The following GNG4 variants were observed in gnomAD, a reference collection of about 807,000 sequenced individuals.
The protein encoded by GNG4 is guanine nucleotide-binding protein G(I)/G(S)/G(O) subunit gamma-4.
GNG4 carries 4 observed loss-of-function variants against 5.8 expected under a neutral mutation model. That is an observed-to-expected ratio of 0.69 (90% confidence interval 0.34 to 1.57). The LOEUF is 1.57. GNG4 is among the 40% of genes most tolerant of loss of function. The pLI, the probability that GNG4 is intolerant of heterozygous loss-of-function variation, is 0.06. For missense variants in GNG4, 96 were observed against 95.1 expected, an observed-to-expected ratio of 1.01 and a Z score of -0.04; for synonymous variants, 29 against 32.9, an observed-to-expected ratio of 0.88 and a Z score of 0.41.
chr1:235,601,165 G>T (rs1196924880), intron 1 of GNG4, among the ~76,000 whole-genome samples: 3 of 152,216 alleles, frequency 2.0e-5, no homozygotes, highest in Non-Finnish European at 4.4e-5. Flanking sequence ...TACAGGGAAG[G>T]TGTCTAAAAC....
chr1:235,627,233 G>GT (rs1464714981), intron 1 of GNG4, among the ~76,000 whole-genome samples: 2 of 151,640 alleles, frequency 1.3e-5, no homozygotes, highest in Non-Finnish European at 2.9e-5. Flanking sequence ...GTTTGTTTTT[G>GT]TTTTTTTGAG....
chr1:235,604,834 C>G (rs1471931101), intron 1 of GNG4, among the ~76,000 whole-genome samples: 2 of 152,332 alleles, frequency 1.3e-5, no homozygotes, highest in East Asian at 3.9e-4. Context: ...CAAGTCTGTG[C>G]TCACTACTAC....
At chr1:235,597,679 G>A (rs1243369767) in intron 1 of GNG4, among the ~76,000 whole-genome samples, 1 of 146,572 alleles carries the variant, frequency 6.8e-6, no homozygotes, top group Admixed American at 6.9e-5. Context: ...AGGCTGGAGT[G>A]CAATGGTGCG....
rs112177153 is a variant in GNG4 at position 235,594,714 on chromosome 1, C to G, written c.-11+686G>C. Among the ~76,000 whole-genome samples the G allele has an allele frequency of 1.9e-3, 282 of 152,334 alleles. 1 individual carries two copies. Among genetic ancestry groups the G allele is most frequent in the African/African-American group, 6.2e-3 (258 of 41,592 alleles). ...TAAACCCACGCCCACCCAGAACTCA[C>G]GCTGGTCCGCAAGCACCGTGCGCAG... On this transcript the variant is annotated intron_variant, in intron 2 of 3. Transcript: ENST00000391854.
In GNG4 at chr1:235,580,753, T is replaced by G. The variant is rs566175819; in HGVS notation, c.99+2987A>C. On this transcript the variant is annotated intron_variant, in intron 3 of 3. Coordinates refer to ENST00000391854, the MANE Select transcript of GNG4 (RefSeq NM_001098722.2). ...CGGCCTATCCCGTTTTTTGTTTTTT[T>G]TTTTTTTTTTTTCCTGAGATGGGGT... Among the ~76,000 whole-genome samples the G allele has an allele frequency of 8.3e-4, 122 of 147,240 alleles. 1 individual carries two copies. The Middle Eastern group carries it at 0.017, about 21-fold the overall frequency.
At chr1:235,590,689 T>C (rs1278374061) in intron 2 of GNG4, among the ~76,000 whole-genome samples, 3 of 152,278 alleles carry the variant, frequency 2.0e-5, no homozygotes, top group Non-Finnish European at 2.9e-5. Flanking sequence ...TGTTTGTGTT[T>C]TCTCTCTCCA....
intron 1 of GNG4, among the ~76,000 whole-genome samples, chr1:235,627,143 T>C (rs1051420664): frequency 6.6e-6 from 1 of 152,078 alleles, no homozygotes; most frequent in Non-Finnish European, 1.5e-5. Flanking sequence ...AAAGCTGTCT[T>C]ATCTCTCCTA....
intron 1 of GNG4, among the ~76,000 whole-genome samples, chr1:235,606,596 C>G (rs1027969473): frequency 6.6e-6 from 1 of 152,054 alleles, no homozygotes; most frequent in Non-Finnish European, 1.5e-5. Context: ...AGGAAAAGAG[C>G]AAGTGGAATG....
intron 1 of GNG4, among the ~76,000 whole-genome samples, chr1:235,640,556 C>T (rs1657294853): frequency 6.6e-6 from 1 of 152,242 alleles, no homozygotes. Flanking sequence ...AAAGGATACA[C>T]ACATCATTCA....
At position 235,649,506 on chromosome 1, in the gene GNG4, C is replaced by A. The variant is rs1258936319; in HGVS notation, c.-123+156G>T. On this transcript the variant is annotated intron_variant, in intron 1 of 3. Transcript: ENST00000391854. This position sits in a 1 kb window ranked among gnomAD's most constrained non-coding sequence, Gnocchi z 5.7. ...GAGGGAACCACAGGTCTTTGTGTCG[C>A]GTGCAGCAGCAGCTGGCGGCGTGAG... 2.0e-5 allele frequency among the ~76,000 whole-genome samples: 3 copies of A among 152,130 alleles called. No homozygotes were observed. The highest frequency in any genetic ancestry group is 7.2e-5 in the African/African-American group (3 of 41,514).
intron 3 of GNG4, among the ~76,000 whole-genome samples, chr1:235,562,410 G>C (rs1218397738): frequency 4.6e-5 from 7 of 152,094 alleles, no homozygotes; most frequent in Non-Finnish European, 8.8e-5. Flanking sequence ...ACTTTGGGAG[G>C]TCGAGGCAGG....
At chr1:235,592,767 T>C (rs568844946) in intron 2 of GNG4, among the ~76,000 whole-genome samples, 1 of 152,220 alleles carries the variant, frequency 6.6e-6, no homozygotes, top group South Asian at 2.1e-4. Flanking sequence ...TCCTGAAATG[T>C]ACCTCCGACT....
intron 1 of GNG4, chr1:235,615,373 A>T (rs1258925541): frequency 2.0e-5 from 3 of 153,244 alleles, no homozygotes; most frequent in South Asian, 4.0e-4. Flanking sequence ...CATGCTGTTC[A>T]ATGCTGGGAT....
chr1:235,639,787 G>A (rs567827724), intron 1 of GNG4, among the ~76,000 whole-genome samples: 12 of 152,328 alleles, frequency 7.9e-5, no homozygotes, highest in East Asian at 1.9e-4. Flanking sequence ...GATATCAGGC[G>A]TGAGCCACCG....
intron 1 of GNG4, among the ~76,000 whole-genome samples, chr1:235,599,914 C>T (rs545664912): frequency 6.6e-6 from 1 of 152,212 alleles, no homozygotes; most frequent in South Asian, 2.1e-4. Context: ...GTCCTCCTGG[C>T]ATTTGCATAG....
At chr1:235,584,482 TAC>T (rs1308062699) in intron 2 of GNG4, among the ~76,000 whole-genome samples, 1 of 152,080 alleles carries the variant, frequency 6.6e-6, no homozygotes, top group African/African-American at 2.4e-5. Flanking sequence ...CCAAAAAGTT[TAC>T]AGACTTTGTG....
At chr1:235,621,986 T>C (rs995889899) in intron 1 of GNG4, among the ~76,000 whole-genome samples, 5 of 152,194 alleles carry the variant, frequency 3.3e-5, no homozygotes, top group African/African-American at 9.7e-5. Context: ...CTCCAGCACA[T>C]TGTTTTAAAA....
intron 1 of GNG4, chr1:235,615,902 C>A: frequency 3.5e-6 from 1 of 281,950 alleles, no homozygotes; most frequent in Non-Finnish European, 6.9e-6. Context: ...CCCCAGAGTG[C>A]CTGCTGGAGC....
chr1:235,587,351 CA>C (rs1269867366), intron 2 of GNG4, among the ~76,000 whole-genome samples: 5 of 26,278 alleles, frequency 1.9e-4, no homozygotes, highest in African/African-American at 4.2e-4. Flanking sequence ...GTATGAGGGT[CA>C]GGGGTGGGGT....
Sources: gnomAD v4.1 joint callset for allele counts (sites outside exome capture counted in the v4.1 genomes callset) on GRCh38, gnomAD v4.1.1 for gene constraint, Gnocchi (gnomAD v3.1) non-coding constraint, MANE v1.5 for transcripts, NCBI Gene and HGNC (gene_info 2026-07-23, HGNC 2026-07-21) for gene names.